The following ZNF85 variants were observed in gnomAD, a reference collection of about 807,000 sequenced individuals.
ZNF85 encodes zinc finger protein 85.
ZNF85 carries 50 observed loss-of-function variants against 53.9 expected under a neutral mutation model. The ratio of observed to expected loss-of-function variants is 0.93; its 90% CI spans 0.74 to 1.17. The LOEUF (loss-of-function observed/expected upper bound fraction) is 1.17, where lower values mean the gene tolerates loss of function less well. ZNF85 is among the 50% of genes most tolerant of loss of function. The pLI, the probability that ZNF85 is intolerant of heterozygous loss-of-function variation, is 0.00. For missense variants in ZNF85, 747 were observed against 688.5 expected (o/e 1.08, Z -0.95); for synonymous variants, 225 against 226.1 (o/e 1.00, Z 0.04).
At chr19:20,946,825 C>T (rs1973433837) in intron 3 of ZNF85, among the ~76,000 whole-genome samples, 1 of 152,030 alleles carries the variant, frequency 6.6e-6, no homozygotes. Context: ...CTTTCTTTAT[C>T]ATTAGATCGC....
intron 3 of ZNF85, among the ~76,000 whole-genome samples, chr19:20,942,243 T>C (rs945745919): frequency 6.0e-5 from 9 of 150,610 alleles, no homozygotes; most frequent in Non-Finnish European, 1.3e-4. Flanking sequence ...CTCGGCTCAC[T>C]GCAACCTCTG....
At chr19:20,944,486 ATAT>A (rs1973375515) in intron 3 of ZNF85, among the ~76,000 whole-genome samples, 2 of 147,538 alleles carry the variant, frequency 1.4e-5, no homozygotes. Flanking sequence ...TAATTATTAT[ATAT>A]TTTTATATAC....
chr19:20,947,048 T>G (rs1973438699), intron 3 of ZNF85, among the ~76,000 whole-genome samples: 1 of 151,950 alleles, frequency 6.6e-6, no homozygotes, highest in Non-Finnish European at 1.5e-5. Flanking sequence ...TTTTTATTTT[T>G]GTACTAATAT....
intron 3 of ZNF85, among the ~76,000 whole-genome samples, chr19:20,946,546 A>G (rs1295847245): frequency 6.6e-6 from 1 of 151,604 alleles, no homozygotes; most frequent in Non-Finnish European, 1.5e-5. Context: ...ATATATTTGG[A>G]ACCTTAATGT....
intron 3 of ZNF85, chr19:20,945,637 A>T (rs976927548): frequency 6.6e-6 from 1 of 152,194 alleles, no homozygotes; most frequent in Non-Finnish European, 1.5e-5. Flanking sequence ...GGCATGCGCC[A>T]CCATGCCCGG....
At chr19:20,940,961 G>T (rs1266239247) in intron 3 of ZNF85, among the ~76,000 whole-genome samples, 1 of 152,102 alleles carries the variant, frequency 6.6e-6, no homozygotes, top group Non-Finnish European at 1.5e-5. Context: ...AATAAACATG[G>T]ATGCTCAAAT....
At chr19:20,931,676 C>T (rs1234971907) in intron 1 of ZNF85, among the ~76,000 whole-genome samples, 5 of 137,730 alleles carry the variant, frequency 3.6e-5, no homozygotes, top group Admixed American at 7.9e-5. Flanking sequence ...GGTGCAATCT[C>T]GGCTTACTGC....
At chr19:20,930,888 T>G (rs1218337074) in intron 1 of ZNF85, among the ~76,000 whole-genome samples, 2 of 152,210 alleles carry the variant, frequency 1.3e-5, no homozygotes, top group African/African-American at 2.4e-5. Context: ...TTCTCCTGCC[T>G]CAGCCTCCCT....
At chr19:20,938,479 C>T (rs1886226085) in intron 3 of ZNF85, among the ~76,000 whole-genome samples, 1 of 152,036 alleles carries the variant, frequency 6.6e-6, no homozygotes, top group African/African-American at 2.4e-5. Context: ...GCATTTTTGT[C>T]AGGATTGGCT....
chr19:20,924,143 A>T (rs8113635), intron 1 of ZNF85, among the ~76,000 whole-genome samples: 14,283 of 151,988 alleles, frequency 0.094, 800 homozygotes, highest in Non-Finnish European at 0.12. Context: ...GAACTTAAAA[A>T]GTGGTTCAAG....
chr19:20,935,307 A>C (rs985572540), intron 3 of ZNF85, among the ~76,000 whole-genome samples: 5 of 152,218 alleles, frequency 3.3e-5, no homozygotes, highest in African/African-American at 1.2e-4. Flanking sequence ...TTCGTGGCAT[A>C]TAAGAGACTG....
chr19:20,933,620 T>A (rs1973079577), intron 1 of ZNF85, among the ~76,000 whole-genome samples: 1 of 152,184 alleles, frequency 6.6e-6, no homozygotes. Context: ...ACATTAAAAT[T>A]TAAAAAGTAC....
chr19:20,936,137 G>A (rs1973153097), intron 3 of ZNF85, among the ~76,000 whole-genome samples: 1 of 151,808 alleles, frequency 6.6e-6, no homozygotes, highest in Non-Finnish European at 1.5e-5. Flanking sequence ...ATTTATACTT[G>A]TATGTTAATT....
rs150976867 is a variant in ZNF85 at position 20,937,175 on chromosome 19, C to T, written c.229+2128C>T. The stretch of plus-strand genomic sequence containing the variant: ...GCCTCCCAAGTAGCTGTGACTAAAG[C>T]CGTGCACCACAACGTCTGGCCAATT... On this transcript the variant is annotated intron_variant, in intron 3 of 3. Transcript: ENST00000328178. The T allele has an allele frequency of 8.4e-3, 3,027 of 358,402 alleles. 50 individuals carry two copies. Among genetic ancestry groups the T allele is most frequent in the African/African-American group, 0.033 (1,537 of 46,786 alleles). 22.2% of individuals were successfully genotyped at this position (358,402 alleles called of 1,614,324 possible).
At chr19:20,925,064 T>G (rs1332835003) in intron 1 of ZNF85, among the ~76,000 whole-genome samples, 2 of 152,152 alleles carry the variant, frequency 1.3e-5, no homozygotes, top group Non-Finnish European at 2.9e-5. Context: ...ACCTGAGGTA[T>G]GAAGTGTATC....
chr19:20,932,963 C>A (rs1021973648), intron 1 of ZNF85, among the ~76,000 whole-genome samples: 2 of 150,540 alleles, frequency 1.3e-5, no homozygotes, highest in African/African-American at 2.4e-5. Context: ...CTAAGGCAGG[C>A]AGATCACAAG....
At chr19:20,942,018 A>C (rs111730375) in intron 3 of ZNF85, among the ~76,000 whole-genome samples, 1 of 152,092 alleles carries the variant, frequency 6.6e-6, no homozygotes, top group Non-Finnish European at 1.5e-5. Context: ...TGAAGAGGTT[A>C]TCTTTTTTTC....
chr19:20,923,329 TCTGTGGCC>T lies in ZNF85; in HGVS notation c.-63_-56del. ...GTTTTCTGCTCGTGGACGCCCAGCC[TCTGTGGCC>T]CTGTGGCCTGCAGGTATTGGGAGAT... On this transcript the variant is annotated 5_prime_UTR_variant, in exon 1 of 4. Coordinates refer to ENST00000328178, the MANE Select transcript of ZNF85 (RefSeq NM_003429.5). The T allele has an allele frequency of 6.2e-7, 1 of 1,610,956 alleles. No individual in the cohort carries two copies. Among genetic ancestry groups the T allele is most frequent in the Non-Finnish European group, 8.5e-7 (1 of 1,177,592 alleles).
intron 1 of ZNF85, among the ~76,000 whole-genome samples, chr19:20,929,188 CTTT>C (rs71174768): frequency 2.2e-5 from 3 of 138,410 alleles, no homozygotes; most frequent in Non-Finnish European, 1.6e-5. Context: ...CTGATCTCTT[CTTT>C]TTTTTTTTTT....
Sources: gnomAD v4.1 joint callset for allele counts (sites outside exome capture counted in the v4.1 genomes callset) on GRCh38, gnomAD v4.1.1 for gene constraint, MANE v1.5 for transcripts, NCBI Gene and HGNC (gene_info 2026-07-23, HGNC 2026-07-21) for gene names.